Variants in DNMBP observed in about 807,000 individuals in gnomAD.
The protein encoded by DNMBP is dynamin binding protein.
DNMBP carries 87 observed loss-of-function variants against 150.0 expected under a neutral mutation model. The observed-to-expected ratio is 0.58, with a 90% CI of 0.49 to 0.69. The LOEUF (loss-of-function observed/expected upper bound fraction) is 0.69. Among genes scored for constraint, DNMBP ranks in the 30% least tolerant of loss-of-function variants. The pLI is 0.00. For missense variants in DNMBP, 1,774 were observed against 1,949.0 expected (o/e 0.91, Z 1.69); for synonymous variants, 711 against 750.4 (o/e 0.95, Z 0.86).
intron 3 of DNMBP, among the ~76,000 whole-genome samples, chr10:99,965,610 G>A (rs1294135838): frequency 6.7e-6 from 1 of 150,328 alleles, no homozygotes; most frequent in African/African-American, 2.4e-5. Context: ...CAATTCTCCT[G>A]CCTCAGCCTC....
intron 4 of DNMBP, among the ~76,000 whole-genome samples, chr10:99,915,399 A>G (rs1183743005): frequency 4.1e-5 from 5 of 123,012 alleles, no homozygotes; most frequent in African/African-American, 1.5e-4. Flanking sequence ...CAGGAACAAA[A>G]TAATTAAAAA....
chr10:99,928,952 T>C (rs1018655485), intron 4 of DNMBP, among the ~76,000 whole-genome samples: 3 of 152,018 alleles, frequency 2.0e-5, no homozygotes, highest in East Asian at 3.8e-4. Flanking sequence ...AAGATCAGCC[T>C]GGGCAACATG....
chr10:99,942,496 C>T (rs973821710), intron 4 of DNMBP, among the ~76,000 whole-genome samples: 8 of 152,132 alleles, frequency 5.3e-5, no homozygotes, highest in African/African-American at 1.9e-4. Flanking sequence ...TGGGAACACT[C>T]GCAACTAAGG....
intron 4 of DNMBP, among the ~76,000 whole-genome samples, chr10:99,948,064 C>A (rs2040378200): frequency 6.6e-6 from 1 of 152,122 alleles, no homozygotes; most frequent in African/African-American, 2.4e-5. Context: ...ATCTCTGTAC[C>A]TTCCTTTCAA....
chr10:99,876,068 G>GTAAC lies in DNMBP; in HGVS notation c.*1079_*1082dup, dbSNP rs1199528280. 2 of 152,218 alleles carry GTAAC rather than the reference G, an allele frequency of 1.3e-5. No individual in the cohort carries two copies. The highest frequency in any genetic ancestry group is 6.5e-5 in the Admixed American group (1 of 15,282). 9.4% of individuals were successfully genotyped at this position (152,218 alleles called of 1,614,324 possible). ...TGTTATGTTGTCTGCATCTATGGAT[G>GTAAC]TAACTAAACAGTCATTAGGGTGCTT... On this transcript the variant is annotated 3_prime_UTR_variant, in exon 17 of 17. Coordinates refer to ENST00000324109, the MANE Select transcript of DNMBP (RefSeq NM_015221.4).
In DNMBP at chr10:99,879,837, C is replaced by G; in HGVS notation, c.4522G>C (p.Asp1508His). ...TGGTTGCCTTCTGCCTCACTGCCAT[C>G]TGGCTCTGTACTTCTGTCTTCCGGA... ...QAPEDRSTEPDGSEAEGNQVY... is the reference protein window; with the variant it reads ...QAPEDRSTEPHGSEAEGNQVY... Residue 1508 changes from aspartate to histidine, a missense_variant, in exon 16 of 17, where the codon GAT becomes CAT. Asp to His is a moderately conservative substitution (Grantham distance 81). Around this residue, in one of 2 missense-constraint regions of DNMBP, gnomAD observed 1,430 missense variants for 1,492.5 expected, o/e 0.96. Transcript: ENST00000324109. The G allele has an allele frequency of 6.2e-7, 1 of 1,614,254 alleles. No individual in the cohort carries two copies.
At chr10:99,903,250 C>T (rs552110668) in intron 6 of DNMBP, among the ~76,000 whole-genome samples, 52 of 152,026 alleles carry the variant, frequency 3.4e-4, no homozygotes, top group African/African-American at 1.2e-3. Context: ...CAGAAGCTTC[C>T]CTTCTGTCTA....
At position 99,953,250 on chromosome 10, in the gene DNMBP, T is replaced by C. The variant is rs563873569; in HGVS notation, c.2260+1964A>G. 4.2e-4 allele frequency among the ~76,000 whole-genome samples: 64 copies of C among 152,258 alleles called. 2 individuals are homozygous for C. Among genetic ancestry groups the C allele is most frequent in the African/African-American group, 1.5e-3 (64 of 41,556 alleles). The stretch of plus-strand genomic sequence containing the variant: ...CCCTTGGCAAGTCACTTAATCTCTT[T>C]TCAAATTTAATTTAAAACTTTTTTT... On this transcript the variant is annotated intron_variant, in intron 4 of 16. Transcript: ENST00000324109.
At chr10:99,888,286 T>C (rs947161566) in intron 12 of DNMBP, among the ~76,000 whole-genome samples, 5 of 151,982 alleles carry the variant, frequency 3.3e-5, no homozygotes, top group African/African-American at 9.7e-5. Flanking sequence ...TCTTGGTTCA[T>C]TGCAACCTCC....
chr10:99,998,557 G>T (rs2040977443), intron 1 of DNMBP, among the ~76,000 whole-genome samples: 1 of 142,864 alleles, frequency 7.0e-6, no homozygotes. Context: ...TCCAGTTTGG[G>T]TGACAGAGTG....
At chr10:99,998,575 G>A (rs1278802313) in intron 1 of DNMBP, among the ~76,000 whole-genome samples, 6 of 107,518 alleles carry the variant, frequency 5.6e-5, no homozygotes, top group African/African-American at 2.1e-4. Context: ...GTGAGACTCC[G>A]TCTCAAAAAA....
In DNMBP at chr10:99,877,223, C is replaced by T. The variant is rs1590203811; in HGVS notation, c.4662G>A (p.Trp1554Ter). 3 of 1,613,966 alleles carry T rather than the reference C, an allele frequency of 1.9e-6. No homozygotes were observed. Among genetic ancestry groups the T allele is most frequent in the Non-Finnish European group, 2.5e-6 (3 of 1,179,966 alleles). The change falls in exon 17 of 17, where the codon TGG becomes TGA. Residue 1554 changes from tryptophan (W) to a stop codon, truncating the protein, a stop_gained. Transcript: ENST00000324109. LOFTEE classifies it high-confidence loss of function. ...TCTTCCCGTTAACCTCAGCTAACCA[C>T]CACTCTGTATTTCCTGTAACATCTT... ...EFKDVTGNTE[W>*]WLAEVNGKKG...
rs370452050 is a variant in DNMBP, at chr10:99,941,905, C to G, written c.2260+13309G>C. Among the ~76,000 whole-genome samples, 6 of 152,310 alleles carry G rather than the reference C, an allele frequency of 3.9e-5. No individual in the cohort carries two copies. The East Asian group carries it at 7.7e-4, about 20-fold the overall frequency. ...CAAGGTGCTGGCATCCATCCCTTGC[C>G]TGGGTCACTGCAGTAGCCTCCTAAC... On this transcript the variant is annotated intron_variant, in intron 4 of 16. Transcript: ENST00000324109.
intron 1 of DNMBP, among the ~76,000 whole-genome samples, chr10:100,003,984 C>T (rs1286739085): frequency 6.6e-6 from 1 of 151,562 alleles, no homozygotes; most frequent in Non-Finnish European, 1.5e-5. Context: ...GTAATCCAAG[C>T]ACTTTGGGAG....
chr10:99,941,858 C>T (rs2040304886), intron 4 of DNMBP, among the ~76,000 whole-genome samples: 1 of 152,242 alleles, frequency 6.6e-6, no homozygotes, highest in South Asian at 2.1e-4. Context: ...CACCTCTCAT[C>T]CCTACTGCTG....
chr10:99,970,881 A>G (rs1041060128), intron 2 of DNMBP, among the ~76,000 whole-genome samples: 19 of 145,994 alleles, frequency 1.3e-4, no homozygotes, highest in Non-Finnish European at 1.8e-4. Flanking sequence ...CTGAGGCAGG[A>G]GAATGGCATG....
At chr10:99,896,105 T>G (rs576105567) in intron 10 of DNMBP, among the ~76,000 whole-genome samples, 162 bp downstream of exon 10, 3 of 152,300 alleles carry the variant, frequency 2.0e-5, no homozygotes, top group Admixed American at 2.0e-4. Context: ...CCCTCTAATT[T>G]GCCTTTGTAA....
At position 99,891,191 on chromosome 10, in the gene DNMBP, C is replaced by T. The variant is rs574420277; in HGVS notation, c.3157-2238G>A. On this transcript the variant is annotated intron_variant, in intron 11 of 16. Coordinates refer to ENST00000324109, the MANE Select transcript of DNMBP (RefSeq NM_015221.4). ...CCCTCTCCCTCCCCCTCTCCCTCTC[C>T]CCACCGTCTCCCTCTCTTTCCACGG... Among the ~76,000 whole-genome samples the T allele has an allele frequency of 2.4e-3, 365 of 149,400 alleles. 6 individuals are homozygous for T. Among genetic ancestry groups the T allele is most frequent in the African/African-American group, 8.6e-3 (350 of 40,570 alleles).
intron 1 of DNMBP, among the ~76,000 whole-genome samples, chr10:99,981,929 C>T (rs1257051388): frequency 6.6e-6 from 1 of 152,220 alleles, no homozygotes; most frequent in Admixed American, 6.5e-5. Context: ...TCTCTTGCAT[C>T]AGGTAACCAT....
Sources: gnomAD v4.1 joint callset for allele counts (sites outside exome capture counted in the v4.1 genomes callset) on GRCh38, gnomAD v4.1.1 for gene constraint, gnomAD v4.1.1 regional missense constraint, MANE v1.5 for transcripts, NCBI Gene and HGNC (gene_info 2026-07-23, HGNC 2026-07-21) for gene names.